Variants in PRKN observed in about 807,000 individuals in gnomAD.
The protein encoded by PRKN is E3 ubiquitin-protein ligase parkin.
Under a neutral mutation model 59.5 loss-of-function variants are expected in PRKN, and 56 were observed. The observed-to-expected ratio is 0.94, with a 90% CI of 0.76 to 1.18. The LOEUF (loss-of-function observed/expected upper bound fraction) is 1.18. PRKN is among the 50% of genes most tolerant of loss of function. The pLI is 0.00. For missense variants in PRKN, 657 were observed against 596.4 expected, an observed-to-expected ratio of 1.10 and a Z score of -1.06; for synonymous variants, 250 against 222.1, an observed-to-expected ratio of 1.13 and a Z score of -1.12.
At chr6:162,304,937 T>C (rs1359647806) in intron 2 of PRKN, among the ~76,000 whole-genome samples, 1 of 151,994 alleles carries the variant, frequency 6.6e-6, no homozygotes, top group African/African-American at 2.4e-5. Context: ...ATTCAAGATA[T>C]TTATTTCTAA....
chr6:162,062,119 T>A (rs1484786180), intron 4 of PRKN, among the ~76,000 whole-genome samples: 1 of 152,186 alleles, frequency 6.6e-6, no homozygotes, highest in African/African-American at 2.4e-5. Context: ...AGGCAAGTGC[T>A]CCTAACAATT....
chr6:161,476,607 A>G (rs1215592386), intron 9 of PRKN, among the ~76,000 whole-genome samples: 1 of 152,222 alleles, frequency 6.6e-6, no homozygotes, highest in African/African-American at 2.4e-5. Flanking sequence ...TAAAAAGGCC[A>G]TTAAAAATGG....
chr6:162,415,001 C>T (rs67867749), intron 2 of PRKN, among the ~76,000 whole-genome samples: 83,251 of 151,624 alleles, frequency 0.55, 23,790 homozygotes, highest in African/African-American at 0.71. Flanking sequence ...TGCTAAGGAA[C>T]AGTTAAAATT....
chr6:162,507,490 CA>C (rs1401823263), intron 1 of PRKN, among the ~76,000 whole-genome samples: 1 of 152,078 alleles, frequency 6.6e-6, no homozygotes, highest in Non-Finnish European at 1.5e-5. Flanking sequence ...CTCCTTTTGC[CA>C]GCACCATATT....
At chr6:161,622,335 C>G (rs556516191) in intron 7 of PRKN, among the ~76,000 whole-genome samples, 1 of 152,322 alleles carries the variant, frequency 6.6e-6, no homozygotes, top group Non-Finnish European at 1.5e-5. Flanking sequence ...GCCCCGTAGG[C>G]TCTGATGGTA....
In PRKN at chr6:162,727,738, C is replaced by G; in HGVS notation, c.-70G>C. The stretch of plus-strand genomic sequence containing the variant: ...CGCGCAGCGGCGCCAGCCGCGCCTC[C>G]CACCAGCGGCTCTCCTGGGTTAAAT... On this transcript the variant is annotated 5_prime_UTR_variant, in exon 1 of 12. Coordinates refer to ENST00000366898, the MANE Select transcript of PRKN (RefSeq NM_004562.3). 6.7e-7 allele frequency: 1 copy of G among 1,486,182 alleles called. No homozygotes were observed. Among genetic ancestry groups the G allele is most frequent in the Non-Finnish European group, 9.2e-7 (1 of 1,089,260 alleles). 92.1% of individuals were successfully genotyped at this position (1,486,182 alleles called of 1,614,324 possible).
intron 1 of PRKN, among the ~76,000 whole-genome samples, chr6:162,468,515 GAC>G (rs10605336): frequency 0.16 from 24,713 of 152,098 alleles, 2,088 homozygotes; most frequent in African/African-American, 0.23. Flanking sequence ...ATAAATATAG[GAC>G]ACACACATTT....
intron 2 of PRKN, among the ~76,000 whole-genome samples, chr6:162,324,700 T>C (rs558282239): frequency 1.8e-4 from 27 of 152,260 alleles, no homozygotes; most frequent in Middle Eastern, 3.4e-3. Flanking sequence ...TTGATCCTTA[T>C]ATACAATTAA....
At chr6:162,118,872 C>T (rs543645919) in intron 4 of PRKN, among the ~76,000 whole-genome samples, 1 of 152,268 alleles carries the variant, frequency 6.6e-6, no homozygotes, top group South Asian at 2.1e-4. Context: ...GTCATGCTGC[C>T]AGTCTAGAGC....
intron 1 of PRKN, among the ~76,000 whole-genome samples, chr6:162,702,275 C>T (rs1037535400): frequency 3.3e-5 from 5 of 152,076 alleles, no homozygotes; most frequent in South Asian, 4.1e-4. Context: ...GTTTACTTGA[C>T]GTTTTTCCTT....
chr6:162,227,155 T>A (rs1778217763), intron 3 of PRKN, among the ~76,000 whole-genome samples: 1 of 152,204 alleles, frequency 6.6e-6, no homozygotes, highest in Non-Finnish European at 1.5e-5. Flanking sequence ...CTTCCGCATA[T>A]GTACATCTTT....
intron 6 of PRKN, among the ~76,000 whole-genome samples, chr6:161,786,231 A>G (rs933744892): frequency 2.0e-5 from 3 of 152,086 alleles, no homozygotes; most frequent in African/African-American, 7.2e-5. Flanking sequence ...TAACCTATCA[A>G]ATCATCCCAT....
rs73593430 is a variant in PRKN, at chr6:161,539,760, C to A, written c.1083+9094G>T. 8.4e-3 allele frequency among the ~76,000 whole-genome samples: 1,283 copies of A among 152,296 alleles called. 15 individuals are homozygous for A. The highest frequency in any genetic ancestry group is 0.03 in the African/African-American group (1,242 of 41,560). Reference sequence around the variant, plus strand: ...CACTTCCTCTACCCAAAGGCAGCCACTGTTCCCGGGGTGTCTTTGATTCTT... The same window carrying A: ...CACTTCCTCTACCCAAAGGCAGCCAATGTTCCCGGGGTGTCTTTGATTCTT... On this transcript the variant is annotated intron_variant, in intron 9 of 11. Transcript: ENST00000366898.
intron 9 of PRKN, among the ~76,000 whole-genome samples, chr6:161,501,854 C>T (rs555991952): frequency 9.2e-5 from 14 of 152,304 alleles, no homozygotes; most frequent in African/African-American, 3.4e-4. Flanking sequence ...TCAGGCAGCA[C>T]AGCCTCAGCC....
intron 2 of PRKN, among the ~76,000 whole-genome samples, chr6:162,349,296 T>C (rs1784528830): frequency 6.6e-6 from 1 of 152,022 alleles, no homozygotes. Flanking sequence ...GGTGAAACCA[T>C]CTCTACTAAA....
chr6:162,208,210 C>G (rs1211440550), intron 3 of PRKN, among the ~76,000 whole-genome samples: 1 of 152,098 alleles, frequency 6.6e-6, no homozygotes, highest in Non-Finnish European at 1.5e-5. Flanking sequence ...GTTATTACAC[C>G]CAACTGAATC....
At chr6:161,631,314 C>T (rs1783300192) in intron 7 of PRKN, among the ~76,000 whole-genome samples, 1 of 152,218 alleles carries the variant, frequency 6.6e-6, no homozygotes, top group East Asian at 1.9e-4. Flanking sequence ...CTGCAAAGCA[C>T]TAGAGTACCA....
At chr6:162,659,404 A>G (rs1292773420) in intron 1 of PRKN, among the ~76,000 whole-genome samples, 2 of 152,130 alleles carry the variant, frequency 1.3e-5, no homozygotes, top group African/African-American at 4.8e-5. Context: ...CAGATTAAGA[A>G]AGTTAACATA....
chr6:162,132,044 A>G lies in PRKN; in HGVS notation c.534+69087T>C, dbSNP rs544844186. Among the ~76,000 whole-genome samples, 19 of 152,336 alleles carry G rather than the reference A, an allele frequency of 1.2e-4. No individual in the cohort carries two copies. The South Asian group carries it at 3.9e-3, about 32-fold the overall frequency. ...ATGACAGCTCATAGGATAAAGCATT[A>G]CATAGAGCTGGGTTTTGTTACCGAA... On this transcript the variant is annotated intron_variant, in intron 4 of 11. Transcript: ENST00000366898.
Sources: gnomAD v4.1 joint callset for allele counts (sites outside exome capture counted in the v4.1 genomes callset) on GRCh38, gnomAD v4.1.1 for gene constraint, MANE v1.5 for transcripts, NCBI Gene and HGNC (gene_info 2026-07-23, HGNC 2026-07-21) for gene names.